The following TSC22D1 variants were observed in gnomAD, a reference collection of about 807,000 sequenced individuals.
TSC22D1 encodes the protein TSC22 domain family protein 1.
Under a neutral mutation model 74.2 loss-of-function variants are expected in TSC22D1, and 9 were observed. The ratio of observed to expected loss-of-function variants is 0.12; its 90% CI spans 0.07 to 0.21. The LOEUF is 0.21. Ranked by LOEUF, TSC22D1 falls within the 10% of genes least tolerant of loss-of-function variation. The pLI, the probability that TSC22D1 is intolerant of heterozygous loss-of-function variation, is 1.00. For synonymous variants in TSC22D1, 586 were observed against 492.5 expected (o/e 1.19, Z -2.51); for missense variants, 1,427 against 1,304.7 (o/e 1.09, Z -1.44).
Position 44,575,950 on chromosome 13 carries a change from T to C in TSC22D1, c.125A>G (p.Asn42Ser), listed in dbSNP as rs781737412. The change falls in exon 1 of 3, where the codon AAT becomes AGT. Residue 42 changes from asparagine (N) to serine (S), a missense_variant. Around this residue, in one of 3 missense-constraint regions of TSC22D1, gnomAD observed 1,343 missense variants for 1,191.5 expected, o/e 1.13. Transcript: ENST00000458659. ...GSGSGSASAL[N>S]AAGTGVGSNA... ...ACTACCGACGCCGGTACCTGCTGCA[T>C]TGAGAGCAGAGGCGCTGCCACTACC... The C allele has an allele frequency of 1.9e-6, 3 of 1,610,168 alleles. No individual in the cohort carries two copies. Among genetic ancestry groups the C allele is most frequent in the East Asian group, 2.2e-5 (1 of 44,762 alleles).
At chr13:44,456,343 T>A (rs1876644262) in intron 1 of TSC22D1, among the ~76,000 whole-genome samples, 1 of 152,226 alleles carries the variant, frequency 6.6e-6, no homozygotes, top group Admixed American at 6.5e-5. Context: ...TACAGAGCAC[T>A]GATTGGTCCA....
intron 1 of TSC22D1, among the ~76,000 whole-genome samples, chr13:44,525,178 A>T (rs1246475145): frequency 6.6e-6 from 1 of 152,084 alleles, no homozygotes; most frequent in African/African-American, 2.4e-5. Context: ...CCCACAAAAA[A>T]CCTGAGCCTA....
intron 1 of TSC22D1, among the ~76,000 whole-genome samples, chr13:44,455,717 CG>C (rs1876543133): frequency 6.6e-6 from 1 of 152,118 alleles, no homozygotes; most frequent in Non-Finnish European, 1.5e-5. Context: ...GAGAATTAAT[CG>C]CATAGGGAAT....
intron 1 of TSC22D1, among the ~76,000 whole-genome samples, chr13:44,571,838 A>G (rs1330181333): frequency 1.3e-5 from 2 of 152,186 alleles, no homozygotes; most frequent in African/African-American, 2.4e-5. Context: ...GAAAAATAAT[A>G]AAAATCTTGA....
chr13:44,451,588 TGAAAGGGTGATTCAA>T (rs1229324889), intron 1 of TSC22D1: 7 of 151,880 alleles, frequency 4.6e-5, no homozygotes, highest in African/African-American at 1.5e-4. Flanking sequence ...GCTACCAGAG[TGAAAGGGTGATTCAA>T]CTGAGCACAA....
In TSC22D1 at chr13:44,432,940, T is replaced by C. The variant is rs1874171595; in HGVS notation, c.*1686A>G. ...GTTTTAATTTTGGCCTGTTTTATAG[T>C]CATGCAGAATCAACTGCAAGGACAT... On this transcript the variant is annotated 3_prime_UTR_variant, in exon 3 of 3. Transcript: ENST00000458659. The C allele has an allele frequency of 6.6e-6, 1 of 152,190 alleles. No individual in the cohort carries two copies. The highest frequency in any genetic ancestry group is 2.1e-4 in the South Asian group (1 of 4,830). The allele number at this position is 152,190 out of a possible 1,614,324, so 9.4% of individuals were successfully genotyped here.
intron 1 of TSC22D1, chr13:44,451,487 G>C (rs1200291922): frequency 2.0e-5 from 3 of 152,124 alleles, no homozygotes; most frequent in Non-Finnish European, 4.4e-5. Flanking sequence ...TGCAAAGAAC[G>C]AAGTGTTTAA....
At chr13:44,476,560 TG>T (rs1182985014) in intron 1 of TSC22D1, among the ~76,000 whole-genome samples, 1 of 152,218 alleles carries the variant, frequency 6.6e-6, no homozygotes, top group Non-Finnish European at 1.5e-5. Flanking sequence ...ATCTTATACT[TG>T]AAGTCAACCT....
In TSC22D1 at chr13:44,433,768, G is replaced by C. The variant is rs984589302; in HGVS notation, c.*858C>G. ...TTTACTTCAGCGTATTCAGCAGCTA[G>C]ATTTCAGATTACACAAAGTGAGTAA... is the stretch of plus-strand genomic sequence containing the variant. On this transcript the variant is annotated 3_prime_UTR_variant, in exon 3 of 3. Transcript: ENST00000458659. 1.7e-5 allele frequency: 9 copies of C among 520,722 alleles called. No individual in the cohort carries two copies. The Admixed American group carries it at 3.2e-4, about 19-fold the overall frequency. 32.3% of individuals were successfully genotyped at this position (520,722 alleles called of 1,614,324 possible). A position where few individuals can be genotyped will look rare whatever the true frequency, so the allele number is the denominator to read the frequency against.
chr13:44,461,758 A>G (rs1877007463), intron 1 of TSC22D1, among the ~76,000 whole-genome samples: 1 of 152,148 alleles, frequency 6.6e-6, no homozygotes, highest in African/African-American at 2.4e-5. Context: ...AACACTGCTA[A>G]GGAATCCGAA....
intron 1 of TSC22D1, among the ~76,000 whole-genome samples, chr13:44,514,303 T>A (rs1479626020): frequency 6.6e-6 from 1 of 152,052 alleles, no homozygotes; most frequent in Non-Finnish European, 1.5e-5. Context: ...TTTATCGCCT[T>A]GAAGTAAACA....
intron 1 of TSC22D1, among the ~76,000 whole-genome samples, chr13:44,518,587 T>C (rs930900697): frequency 4.6e-5 from 7 of 152,210 alleles, no homozygotes; most frequent in African/African-American, 1.2e-4. Flanking sequence ...TAAAGGCCTA[T>C]GAGAGAAAAA....
At chr13:44,540,043 T>A (rs1052864325) in intron 1 of TSC22D1, 2 of 663,910 alleles carry the variant, frequency 3.0e-6, no homozygotes, top group East Asian at 6.6e-5. Context: ...CCTTTGGGCA[T>A]ACTTTCTTTA....
intron 1 of TSC22D1, among the ~76,000 whole-genome samples, chr13:44,567,551 C>T (rs1341904086): frequency 6.6e-6 from 1 of 150,376 alleles, no homozygotes; most frequent in East Asian, 1.9e-4. Flanking sequence ...ATTCAGATAG[C>T]TAAGAAAAAA....
chr13:44,481,292 G>A (rs1377455477), intron 1 of TSC22D1, among the ~76,000 whole-genome samples: 1 of 152,090 alleles, frequency 6.6e-6, no homozygotes, highest in Non-Finnish European at 1.5e-5. Flanking sequence ...GGTGGGAGGT[G>A]GTAAGGAAAA....
chr13:44,550,372 A>G (rs1300839638), intron 1 of TSC22D1, among the ~76,000 whole-genome samples: 14 of 152,090 alleles, frequency 9.2e-5, no homozygotes, highest in Non-Finnish European at 2.1e-4. Context: ...ACCTGAGGTC[A>G]GGAGTTCGAG....
At chr13:44,490,307 T>A (rs2137955368) in intron 1 of TSC22D1, among the ~76,000 whole-genome samples, 1 of 151,300 alleles carries the variant, frequency 6.6e-6, no homozygotes, top group East Asian at 1.9e-4. Flanking sequence ...GTAGAGGAGG[T>A]ATCGCTAGGG....
At position 44,575,983 on chromosome 13, in the gene TSC22D1, C is replaced by T; in HGVS notation, c.92G>A (p.Arg31Lys). Residue 31 changes from arginine to lysine, a missense_variant, in exon 1 of 3, where the codon AGG becomes AAG. By Grantham distance (26) the Arg-to-Lys change is conservative (BLOSUM62 2). Coordinates refer to ENST00000458659, the MANE Select transcript of TSC22D1 (RefSeq NM_183422.4). ...KMAHPAMFPR[R>K]GSGSGSASAL... ...AGAGGCGCTGCCACTACCGCTGCCC[C>T]TTCGAGGGAACATTGCCGGGTGCGC... 1 of 1,600,602 alleles carries T rather than the reference C, an allele frequency of 6.2e-7. No homozygotes were observed. The highest frequency in any genetic ancestry group is 1.1e-5 in the South Asian group (1 of 89,494).
Position 44,464,245 on chromosome 13 carries a change from TG to T in TSC22D1, c.2913-28151del, listed in dbSNP as rs1277557626. 2.6e-5 allele frequency among the ~76,000 whole-genome samples: 4 copies of T among 152,364 alleles called. No individual in the cohort carries two copies. In the East Asian group the frequency reaches 7.7e-4, roughly 29 times the overall value. On this transcript the variant is annotated intron_variant, in intron 1 of 2. Coordinates refer to ENST00000458659, the MANE Select transcript of TSC22D1 (RefSeq NM_183422.4). ...TAGTGTGACTGTAATAGAAGAAGAC[TG>T]GGAGTAATTTTGTCTTCTACTTCCT...
Sources: allele counts gnomAD v4.1 joint callset (sites outside exome capture counted in the v4.1 genomes callset), GRCh38; gene constraint gnomAD v4.1.1; regional missense constraint gnomAD v4.1.1; transcripts MANE v1.5; gene names NCBI Gene and HGNC (gene_info 2026-07-23, HGNC 2026-07-21).